Variants in PCDH11Y observed in about 807,000 individuals in gnomAD.
The protein encoded by PCDH11Y is protocadherin-11 Y-linked.
For missense variants in PCDH11Y, 12 were observed against 224.8 expected, an observed-to-expected ratio of 0.05 and a Z score of 6.05; for synonymous variants, 9 against 83.6, an observed-to-expected ratio of 0.11 and a Z score of 4.87.
At chrY:5,604,324 G>T in intron 4 of PCDH11Y, among the ~76,000 whole-genome samples, 1 of 32,494 alleles carries the variant, frequency 3.1e-5, no homozygotes, top group Admixed American at 2.9e-4. Flanking sequence ...TCCCAGAATC[G>T]TAGTTCAAAT....
chrY:5,548,493 T>C, intron 3 of PCDH11Y, among the ~76,000 whole-genome samples: 1 of 32,508 alleles, frequency 3.1e-5, no homozygotes, highest in Non-Finnish European at 7.6e-5. Flanking sequence ...TTTGAAAACA[T>C]ATTTCAGGCT....
intron 2 of PCDH11Y, among the ~76,000 whole-genome samples, chrY:5,406,470 C>T: frequency 3.0e-5 from 1 of 32,894 alleles, no homozygotes; most frequent in Non-Finnish European, 7.5e-5. Context: ...TGACTGATCT[C>T]GTTTCATCAA....
chrY:5,574,864 ACC>A (rs2053444356), intron 3 of PCDH11Y, among the ~76,000 whole-genome samples: 1 of 32,823 alleles, frequency 3.0e-5, no homozygotes, highest in Non-Finnish European at 7.5e-5. Context: ...AGAATAGAGA[ACC>A]CACAAACAAA....
At chrY:5,410,343 C>G (rs1453561123) in intron 2 of PCDH11Y, among the ~76,000 whole-genome samples, 3 of 28,821 alleles carry the variant, frequency 1.0e-4, no homozygotes, top group Non-Finnish European at 7.8e-5. Context: ...GCACTCCAGT[C>G]TGGGCAACAA....
intron 3 of PCDH11Y, among the ~76,000 whole-genome samples, chrY:5,552,754 C>T: frequency 3.0e-5 from 1 of 33,003 alleles, no homozygotes; most frequent in South Asian, 6.6e-4. Context: ...ATAATCACTG[C>T]TTGACTTATT....
chrY:5,467,514 C>T (rs2124684373), intron 2 of PCDH11Y, among the ~76,000 whole-genome samples: 5 of 32,211 alleles, frequency 1.6e-4, no homozygotes, highest in African/African-American at 6.0e-4. Flanking sequence ...TGTACAGCCT[C>T]GTACTTCAGC....
chrY:5,651,608 TA>T (rs2053531326), intron 4 of PCDH11Y, among the ~76,000 whole-genome samples: 1 of 31,998 alleles, frequency 3.1e-5, no homozygotes, highest in Non-Finnish European at 7.6e-5. Context: ...TATCATCCAC[TA>T]AGTCTATACT....
At chrY:5,576,682 T>C in intron 3 of PCDH11Y, among the ~76,000 whole-genome samples, 1 of 33,506 alleles carries the variant, frequency 3.0e-5, no homozygotes, top group Non-Finnish European at 7.5e-5. Flanking sequence ...AATTAGTATT[T>C]TTCAATAGGC....
intron 4 of PCDH11Y, among the ~76,000 whole-genome samples, chrY:5,588,612 G>T: frequency 9.1e-5 from 3 of 33,042 alleles, no homozygotes; most frequent in African/African-American, 2.4e-4. Flanking sequence ...TACTATTATA[G>T]AGTGAAAGTA....
At chrY:5,174,035 C>A in intron 2 of PCDH11Y, among the ~76,000 whole-genome samples, 1 of 27,412 alleles carries the variant, frequency 3.6e-5, no homozygotes, top group East Asian at 9.3e-4. Flanking sequence ...CTGCAAAACA[C>A]ATTATTTTAT....
At chrY:5,291,485 A>G (rs2124661964) in intron 2 of PCDH11Y, among the ~76,000 whole-genome samples, 2 of 33,676 alleles carry the variant, frequency 5.9e-5, no homozygotes, top group Non-Finnish European at 1.5e-4. Context: ...ACTTGAGGTC[A>G]AGGGTTCAAG....
chrY:5,297,052 A>C, intron 2 of PCDH11Y, among the ~76,000 whole-genome samples: 2 of 32,787 alleles, frequency 6.1e-5, no homozygotes, highest in African/African-American at 2.4e-4. Flanking sequence ...CTGATTATTC[A>C]GAGCCCAAGG....
At chrY:5,477,380 A>C (rs2124685347) in intron 2 of PCDH11Y, among the ~76,000 whole-genome samples, 1 of 30,544 alleles carries the variant, frequency 3.3e-5, no homozygotes, top group East Asian at 8.7e-4. Flanking sequence ...ATGGTGGATA[A>C]GCTTTTTGAT....
chrY:5,427,035 C>G, intron 2 of PCDH11Y, among the ~76,000 whole-genome samples: 1 of 32,753 alleles, frequency 3.1e-5, no homozygotes. Flanking sequence ...AACACGAGTT[C>G]TTTTTTTAAA....
At chrY:5,643,049 T>C in intron 4 of PCDH11Y, among the ~76,000 whole-genome samples, 1 of 33,625 alleles carries the variant, frequency 3.0e-5, no homozygotes, top group African/African-American at 1.2e-4. Context: ...GTTTTTCTTC[T>C]TTTTATTATC....
intron 2 of PCDH11Y, among the ~76,000 whole-genome samples, chrY:5,413,881 A>G (rs3950685): frequency 5.6e-3 from 186 of 33,252 alleles, no homozygotes; most frequent in African/African-American, 0.021. Flanking sequence ...GTTTGTGTGC[A>G]TACATACACA....
At chrY:5,654,838 CAACCCTGCAAATGTACTCTTGAACTAAAA>C (rs2053534888) in intron 4 of PCDH11Y, among the ~76,000 whole-genome samples, 1 of 32,782 alleles carries the variant, frequency 3.1e-5, no homozygotes, top group African/African-American at 1.2e-4. Flanking sequence ...ATGACACAAA[CAACCCTGCAAATGTACTCTTGAACTAAAA>C]AGTTATTTAA....
Position 5,601,227 on chromosome Y carries a change from T to C in PCDH11Y, c.3352+19429T>C, listed in dbSNP as rs1260054303. 2.2e-4 allele frequency among the ~76,000 whole-genome samples: 7 copies of C among 31,555 alleles called. No homozygotes were observed. The East Asian group carries it at 6.0e-3, about 27-fold the overall frequency. The allele number at this position is 31,555 out of a possible 37,273, so 84.7% of individuals were successfully genotyped here. A position where few individuals can be genotyped will look rare whatever the true frequency, so the allele number is the denominator to read the frequency against. ...GTTTTATTAGAATCATATAGCATAA[T>C]GATATCTTTTGTTAACCTCTCAACA... is the stretch of plus-strand genomic sequence containing the variant. On this transcript the variant is annotated intron_variant, in intron 4 of 4. Transcript: ENST00000400457.
intron 2 of PCDH11Y, among the ~76,000 whole-genome samples, chrY:5,266,503 T>C (rs1311357015): frequency 6.1e-5 from 2 of 32,656 alleles, no homozygotes. Context: ...CACTGCACTC[T>C]AGCCTGGGTG....
Sources: allele counts gnomAD v4.1 joint callset (sites outside exome capture counted in the v4.1 genomes callset), GRCh38; gene constraint gnomAD v4.1.1; transcripts MANE v1.5; gene names NCBI Gene and HGNC (gene_info 2026-07-23, HGNC 2026-07-21).